Variants in RENBP observed in about 807,000 individuals in gnomAD.
RENBP encodes N-acylglucosamine 2-epimerase.
RENBP carries 16 observed loss-of-function variants against 37.8 expected under a neutral mutation model. That is an observed-to-expected ratio of 0.42 (90% CI 0.29 to 0.64). RENBP has a LOEUF of 0.64. RENBP is among the 30% of genes least tolerant of loss of function. RENBP has a pLI of 0.19. For missense variants in RENBP, 347 were observed against 379.5 expected (o/e 0.91, Z 0.71); for synonymous variants, 170 against 154.8 (o/e 1.10, Z -0.73).
chrX:153,942,243 T>G (rs2065230530), intron 6 of RENBP: 1 of 269,833 alleles, frequency 3.7e-6, no homozygotes, highest in Non-Finnish European at 6.0e-6. Context: ...TTTTTTTTTT[T>G]TTTTTTTTTT....
rs782026700 is a variant in RENBP at position 153,942,024 on chromosome X, C to T, written c.695G>A (p.Gly232Glu). Residue 232 changes from glycine (G) to glutamate (E), a missense_variant, in exon 7 of 11, where the codon GGA becomes GAA. Transcript: ENST00000393700. ...TGACACATTCTCCAGCACAGCTTGT[C>T]CATCCCTCTACCGGGAAGGAGCAGA... is the stretch of plus-strand genomic sequence containing the variant. ...RRILQHVQRD[G>E]QAVLENVSEG... 4.3e-6 allele frequency: 5 copies of T among 1,155,794 alleles called. No homozygotes were observed. The highest frequency in any genetic ancestry group is 5.8e-6 in the Non-Finnish European group (5 of 860,243).
At chrX:153,938,586 C>T (rs999311593) in intron 9 of RENBP, among the ~76,000 whole-genome samples, 1 of 107,742 alleles carries the variant, frequency 9.3e-6, no homozygotes, top group Non-Finnish European at 1.9e-5. Context: ...CCACTGGGTG[C>T]CATGCCCTTT....
Position 153,943,172 on chromosome X carries a change from T to A in RENBP, c.463-93A>T. The A allele has an allele frequency of 7.4e-6, 5 of 674,592 alleles. No individual in the cohort carries two copies. In the South Asian group the frequency reaches 1.5e-4, roughly 20 times the overall value. The allele number at this position is 674,592 out of a possible 1,213,427, so 55.6% of individuals were successfully genotyped here. ...GCCCTGGGGTGGGAGAGCCAATTCC[T>A]CTCCTGAACCCAGAGACACCTTCAT... On this transcript the variant is annotated intron_variant, in intron 5 of 10. Coordinates refer to ENST00000393700, the MANE Select transcript of RENBP (RefSeq NM_002910.6).
intron 7 of RENBP, 26 bp from the exon 8 acceptor site, chrX:153,941,679 G>T: frequency 4.1e-6 from 1 of 242,893 alleles, no homozygotes; most frequent in African/African-American, 3.3e-5. Context: ...GTACGGAAGG[G>T]CGGGGGGCGG....
intron 7 of RENBP, 111 bp from the exon 8 acceptor site, chrX:153,941,764 G>C: frequency 1.3e-6 from 1 of 749,774 alleles, no homozygotes; most frequent in Non-Finnish European, 1.9e-6. Flanking sequence ...AACAATGAGC[G>C]AGGCTCTGAG....
At chrX:153,939,471 T>C (rs1444561141) in intron 9 of RENBP, among the ~76,000 whole-genome samples, 2 of 112,164 alleles carry the variant, frequency 1.8e-5, no homozygotes, top group Non-Finnish European at 3.8e-5. Context: ...ATCCCACTGC[T>C]GCTCCACCAG....
chrX:153,938,787 TTTTTTTTTG>T (rs1370748111), intron 9 of RENBP, among the ~76,000 whole-genome samples: 2,493 of 94,318 alleles, frequency 0.026, 117 homozygotes, highest in African/African-American at 0.1. Flanking sequence ...GTACTGTTTT[TTTTTTTTTG>T]TTTTTTTTTT....
chrX:153,941,925 G>GCCGGCC, intron 7 of RENBP, 25 bp downstream of exon 7: 3 of 708,472 alleles, frequency 4.2e-6, no homozygotes, highest in South Asian at 2.1e-5. Flanking sequence ...CTCCTGGGTG[G>GCCGGCC]CCCCCAGCCC....
chrX:153,935,659 G>T, intron 9 of RENBP, 83 bp from the exon 10 acceptor site: 3 of 783,310 alleles, frequency 3.8e-6, no homozygotes, highest in Non-Finnish European at 1.9e-6. Context: ...TCAGAGCCTG[G>T]GTTGACCCCA....
At chrX:153,941,925 G>GGGCCCC in intron 7 of RENBP, 25 bp downstream of exon 7, 1 of 708,490 alleles carries the variant, frequency 1.4e-6, no homozygotes, top group Non-Finnish European at 2.3e-6. Context: ...CTCCTGGGTG[G>GGGCCCC]CCCCCAGCCC....
chrX:153,943,463 C>T, intron 5 of RENBP, 83 bp downstream of exon 5: 1 of 998,732 alleles, frequency 1.0e-6, no homozygotes, highest in South Asian at 2.2e-5. Context: ...TGGGAGGGGA[C>T]TTGCGTAGTG....
intron 9 of RENBP, chrX:153,937,116 G>T (rs190186289): frequency 1.7e-5 from 2 of 115,125 alleles, no homozygotes; most frequent in African/African-American, 6.5e-5. Flanking sequence ...TGGAAGGATC[G>T]CTTGAGCCCA....
Position 153,943,448 on chromosome X carries a change from G to A in RENBP, c.462+98C>T. On this transcript the variant is annotated intron_variant, in intron 5 of 10. Coordinates refer to ENST00000393700, the MANE Select transcript of RENBP (RefSeq NM_002910.6). ...TGAAGGGGACTTGGCCCACAGATGG[G>A]TCCATGGGAGGGGACTTGCGTAGTG... is the stretch of plus-strand genomic sequence containing the variant. The A allele has an allele frequency of 6.7e-6, 6 of 895,441 alleles. No homozygotes were observed. In the South Asian group the frequency reaches 1.2e-4, roughly 18 times the overall value. 73.8% of individuals were successfully genotyped at this position (895,441 alleles called of 1,213,427 possible).
intron 9 of RENBP, chrX:153,935,917 G>A (rs1268232652): frequency 1.3e-5 from 3 of 231,384 alleles, no homozygotes; most frequent in South Asian, 6.5e-5. Context: ...ATCACCTGAG[G>A]TCAGGAGTTC....
Position 153,942,837 on chromosome X carries a change from T to G in RENBP, c.687+18A>C. 9.4e-7 allele frequency: 1 copy of G among 1,060,012 alleles called. No homozygotes were observed. The highest frequency in any genetic ancestry group is 1.3e-6 in the Non-Finnish European group (1 of 767,839). The allele number at this position is 1,060,012 out of a possible 1,213,427, so 87.4% of individuals were successfully genotyped here. ...GTGGAAGGCCTCCCACCACCCCAGC[T>G]CCCCAGGCATCCCCCACCTGCACGT... On this transcript the variant is annotated intron_variant, in intron 6 of 10. Coordinates refer to ENST00000393700, the MANE Select transcript of RENBP (RefSeq NM_002910.6).
chrX:153,942,798 A>T, intron 6 of RENBP, 57 bp downstream of exon 6: 5 of 994,171 alleles, frequency 5.0e-6, no homozygotes, highest in Non-Finnish European at 5.7e-6. Context: ...CAGGGTGCCC[A>T]GGGGAGTGGG....
chrX:153,935,484 C>T lies in RENBP; in HGVS notation c.1165+5G>A, dbSNP rs781890302. ...CCCTGCGGCCCCGCCCTCTCCCCCA[C>T]TCACCTTTGAAAGGACCTCCCTTGA... On this transcript the variant is annotated splice_donor_5th_base_variant and intron_variant, in intron 10 of 10. Coordinates refer to ENST00000393700, the MANE Select transcript of RENBP (RefSeq NM_002910.6). 5.0e-6 allele frequency: 6 copies of T among 1,202,211 alleles called. No individual in the cohort carries two copies. Among genetic ancestry groups the T allele is most frequent in the Middle Eastern group, 4.6e-4 (2 of 4,329 alleles).
At position 153,941,525 on chromosome X, in the gene RENBP, C is replaced by CGTG; in HGVS notation, c.895_897dup (p.His299dup). 9 of 1,211,100 alleles carry CGTG rather than the reference C, an allele frequency of 7.4e-6. No homozygotes were observed. The highest frequency in any genetic ancestry group is 1.0e-5 in the Non-Finnish European group (9 of 895,264). On this transcript the variant is annotated inframe_insertion, in exon 8 of 11. Transcript: ENST00000393700. ...GCATCCTGGAAGTAAAAGAGGCCTC[C>CGTG]GTGGTCAGGGTCCCATCCGGAGTGG...
At chrX:153,936,086 T>G in intron 9 of RENBP, 1 of 149,919 alleles carries the variant, frequency 6.7e-6, no homozygotes, top group Non-Finnish European at 1.3e-5. Context: ...TGAGCTGAGA[T>G]CACGCCATTG....
Sources: allele counts gnomAD v4.1 joint callset (sites outside exome capture counted in the v4.1 genomes callset), GRCh38; gene constraint gnomAD v4.1.1; transcripts MANE v1.5; gene names NCBI Gene and HGNC (gene_info 2026-07-23, HGNC 2026-07-21).